The following ERG variants were observed in gnomAD, a reference collection of about 807,000 sequenced individuals.
ERG encodes the protein ETS transcription factor ERG, also known as transcriptional regulator ERG.
Under a neutral mutation model 55.3 loss-of-function variants are expected in ERG, and 9 were observed. That is an observed-to-expected ratio of 0.16 (90% CI 0.10 to 0.28). ERG has a LOEUF of 0.28. Among genes scored for constraint, ERG ranks in the 10% least tolerant of loss-of-function variants. ERG has a pLI of 1.00. For missense variants in ERG, 434 were observed against 631.6 expected (o/e 0.69, Z 3.35); for synonymous variants, 223 against 237.3 (o/e 0.94, Z 0.55).
At chr21:38,542,023 T>G (rs2059756474) in intron 2 of ERG, among the ~76,000 whole-genome samples, 1 of 152,232 alleles carries the variant, frequency 6.6e-6, no homozygotes, top group Non-Finnish European at 1.5e-5. Context: ...TTTGTTTTTC[T>G]TTTTTGAGAT....
At chr21:38,448,407 A>C (rs192100568) in intron 1 of ERG, among the ~76,000 whole-genome samples, 1 of 152,338 alleles carries the variant, frequency 6.6e-6, no homozygotes, top group East Asian at 1.9e-4. Flanking sequence ...AAATTCTGAA[A>C]ATAAGGAAGC....
At chr21:38,622,075 A>G (rs1391644259) in intron 1 of ERG, among the ~76,000 whole-genome samples, 1 of 152,250 alleles carries the variant, frequency 6.6e-6, no homozygotes, top group Admixed American at 6.5e-5. Flanking sequence ...GTCCCAGGAC[A>G]TGCACGGGAG....
At chr21:38,441,742 T>TTG (rs1268206699) in intron 2 of ERG, among the ~76,000 whole-genome samples, 2 of 152,136 alleles carry the variant, frequency 1.3e-5, no homozygotes, top group Non-Finnish European at 2.9e-5. Flanking sequence ...CTGGTTGACA[T>TTG]CTGTACATTG....
chr21:38,467,620 G>A (rs11908941), intron 1 of ERG, among the ~76,000 whole-genome samples: 2,553 of 152,190 alleles, frequency 0.017, 67 homozygotes, highest in African/African-American at 0.058. Flanking sequence ...TTGTTAAATC[G>A]CCAGTTTCAG....
At chr21:38,407,994 T>C (rs916372325) in intron 3 of ERG, among the ~76,000 whole-genome samples, 2 of 151,618 alleles carry the variant, frequency 1.3e-5, no homozygotes, top group Non-Finnish European at 2.9e-5. Context: ...AAGTTAAGTT[T>C]CAGTTTCTTT....
At chr21:38,367,627 A>G in the ERG span, 2 of 521,952 alleles carry the variant, frequency 3.8e-6, no homozygotes, top group African/African-American at 3.8e-5. Context: ...CTATTCATTA[A>G]AAGCAGATCA....
At chr21:38,485,461 C>CTTTTTT (rs34211335) in intron 1 of ERG, among the ~76,000 whole-genome samples, 1 of 130,398 alleles carries the variant, frequency 7.7e-6, no homozygotes, top group Non-Finnish European at 1.6e-5. Flanking sequence ...AATATACAGT[C>CTTTTTT]TTTTTTTTTT....
intron 3 of ERG, among the ~76,000 whole-genome samples, chr21:38,405,062 T>C (rs1389813919): frequency 6.6e-6 from 1 of 152,150 alleles, no homozygotes; most frequent in Non-Finnish European, 1.5e-5. Flanking sequence ...TTATTGCAGG[T>C]CCAGTAGAAT....
intron 3 of ERG, among the ~76,000 whole-genome samples, chr21:38,415,791 G>A (rs537041783): frequency 2.8e-4 from 42 of 151,994 alleles, no homozygotes; most frequent in Middle Eastern, 3.4e-3. Context: ...CAACCCCTGC[G>A]AGTCTGCGAT....
At chr21:38,561,772 T>C (rs556610791) in intron 2 of ERG, among the ~76,000 whole-genome samples, 123 of 152,302 alleles carry the variant, frequency 8.1e-4, no homozygotes, top group African/African-American at 2.7e-3. Context: ...TTTTTCAATA[T>C]TGATCTTAGC....
intron 1 of ERG, among the ~76,000 whole-genome samples, chr21:38,610,519 G>C (rs538809314): frequency 8.0e-6 from 1 of 125,066 alleles, no homozygotes; most frequent in Non-Finnish European, 1.7e-5. Context: ...CCACGTGCGC[G>C]CACGCGCGTG....
chr21:38,636,489 C>T (rs2060389662), intron 1 of ERG, among the ~76,000 whole-genome samples: 1 of 152,128 alleles, frequency 6.6e-6, no homozygotes, highest in African/African-American at 2.4e-5. Context: ...ACAAAGAATT[C>T]CTCAGCTTTA....
chr21:38,383,092 A>G lies in ERG; in HGVS notation c.*311T>C. 2 of 1,129,726 alleles carry G rather than the reference A, an allele frequency of 1.8e-6. No individual in the cohort carries two copies. The highest frequency in any genetic ancestry group is 8.7e-5 in the South Asian group (2 of 23,020). The allele number at this position is 1,129,726 out of a possible 1,614,324, so 70.0% of individuals were successfully genotyped here. A position where few individuals can be genotyped will look rare whatever the true frequency, so the allele number is the denominator to read the frequency against. ...CCAAACTCTACTCTAAAGTTTATAC[A>G]TTTCTTAAGACCACTTTCTTTGGCA... is the stretch of plus-strand genomic sequence containing the variant. On this transcript the variant is annotated 3_prime_UTR_variant, in exon 10 of 10. Transcript: ENST00000288319. This position sits in a 1 kb window ranked among gnomAD's most constrained non-coding sequence, Gnocchi z 5.7.
chr21:38,561,354 A>T (rs1260881667), intron 2 of ERG, among the ~76,000 whole-genome samples: 2 of 152,118 alleles, frequency 1.3e-5, no homozygotes, highest in African/African-American at 2.4e-5. Context: ...CCTGAAGGTG[A>T]AATTGGACAG....
chr21:38,436,125 G>A (rs1316418056), intron 2 of ERG, among the ~76,000 whole-genome samples: 4 of 149,868 alleles, frequency 2.7e-5, no homozygotes, highest in Non-Finnish European at 4.4e-5. Flanking sequence ...GGGTTCAAGC[G>A]ATTCTCCCGC....
At chr21:38,505,648 A>T (rs2059454879) in intron 2 of ERG, among the ~76,000 whole-genome samples, 1 of 152,220 alleles carries the variant, frequency 6.6e-6, no homozygotes, top group Non-Finnish European at 1.5e-5. Flanking sequence ...AGAATATTAT[A>T]GCCGATAGGG....
At chr21:38,622,724 TACC>T (rs370126051) in intron 1 of ERG, among the ~76,000 whole-genome samples, 38 of 108,080 alleles carry the variant, frequency 3.5e-4, no homozygotes, top group African/African-American at 1.2e-3. Flanking sequence ...TGCTCATAAA[TACC>T]ACACCACACA....
intron 1 of ERG, among the ~76,000 whole-genome samples, chr21:38,494,246 T>A (rs963457170): frequency 2.6e-5 from 4 of 152,066 alleles, no homozygotes; most frequent in African/African-American, 9.7e-5. Flanking sequence ...ACAAGAAGGC[T>A]CTCCTTGAGG....
At chr21:38,542,308 A>G (rs945912803) in intron 2 of ERG, among the ~76,000 whole-genome samples, 4 of 152,170 alleles carry the variant, frequency 2.6e-5, no homozygotes, top group Non-Finnish European at 5.9e-5. Context: ...TAATTTTATC[A>G]CGACAGTTAT....
Sources: gnomAD v4.1 joint callset for allele counts (sites outside exome capture counted in the v4.1 genomes callset) on GRCh38, gnomAD v4.1.1 for gene constraint, Gnocchi (gnomAD v3.1) non-coding constraint, MANE v1.5 for transcripts, NCBI Gene and HGNC (gene_info 2026-07-23, HGNC 2026-07-21) for gene names.